Variants in SEC24A observed in about 807,000 individuals in gnomAD.
The protein encoded by SEC24A is protein transport protein Sec24A.
SEC24A carries 93 observed loss-of-function variants against 129.4 expected under a neutral mutation model. That is an observed-to-expected ratio of 0.72 (90% CI 0.61 to 0.85). SEC24A has a LOEUF of 0.85. Ranked by LOEUF, SEC24A falls within the 40% of genes least tolerant of loss-of-function variation. The pLI is 0.00. For missense variants in SEC24A, 1,264 were observed against 1,307.4 expected (o/e 0.97, Z 0.51); for synonymous variants, 460 against 467.3 (o/e 0.98, Z 0.20).
chr5:134,727,859 A>G lies in SEC24A; in HGVS notation c.*2765A>G, dbSNP rs1455909245. On this transcript the variant is annotated 3_prime_UTR_variant, in exon 23 of 23. Transcript: ENST00000398844. ...ACCCATGCAGACCATTGTTTGATCTATGCTAACTTATCAACTTGGCTATTC... is the reference window on the plus strand; with the variant it reads ...ACCCATGCAGACCATTGTTTGATCTGTGCTAACTTATCAACTTGGCTATTC... 1 of 152,460 alleles carries G rather than the reference A, an allele frequency of 6.6e-6. No individual in the cohort carries two copies. Among genetic ancestry groups the G allele is most frequent in the Non-Finnish European group, 1.5e-5 (1 of 68,016 alleles). 9.4% of individuals were successfully genotyped at this position (152,460 alleles called of 1,614,324 possible). A position where few individuals can be genotyped will look rare whatever the true frequency, so the allele number is the denominator to read the frequency against.
chr5:134,708,633 A>G, intron 17 of SEC24A, 80 bp from the exon 18 acceptor site: 1 of 1,288,546 alleles, frequency 7.8e-7, no homozygotes, highest in Middle Eastern at 1.9e-4. Context: ...GTTTTTAAAA[A>G]TTATCTCTTC....
At chr5:134,653,937 T>C (rs1404163446) in intron 1 of SEC24A, among the ~76,000 whole-genome samples, 1 of 151,982 alleles carries the variant, frequency 6.6e-6, no homozygotes, top group Non-Finnish European at 1.5e-5. Flanking sequence ...GCAGGAGGGC[T>C]GCTTGAGCCT....
chr5:134,717,694 T>C (rs1752517493), intron 19 of SEC24A, among the ~76,000 whole-genome samples: 1 of 152,052 alleles, frequency 6.6e-6, no homozygotes, highest in African/African-American at 2.4e-5. Context: ...GGCGGGTGGA[T>C]CAACTGAGGT....
At chr5:134,652,661 C>T (rs1455336655) in intron 1 of SEC24A, among the ~76,000 whole-genome samples, 2 of 152,212 alleles carry the variant, frequency 1.3e-5, no homozygotes, top group Non-Finnish European at 2.9e-5. Flanking sequence ...GATCTCAGCT[C>T]ACTGCAACCT....
intron 6 of SEC24A, among the ~76,000 whole-genome samples, chr5:134,675,814 A>G (rs1751039588): frequency 6.6e-6 from 1 of 152,218 alleles, no homozygotes; most frequent in South Asian, 2.1e-4. Flanking sequence ...AAAAGAGACT[A>G]TATTTTAGTT....
chr5:134,683,348 G>GT (rs940870956), intron 9 of SEC24A, among the ~76,000 whole-genome samples: 13 of 150,820 alleles, frequency 8.6e-5, no homozygotes, highest in African/African-American at 2.2e-4. Context: ...GTTACAGTCA[G>GT]TTTTTTTTTC....
At chr5:134,670,444 G>C (rs530962140) in intron 3 of SEC24A, among the ~76,000 whole-genome samples, 1 of 152,272 alleles carries the variant, frequency 6.6e-6, no homozygotes, top group African/African-American at 2.4e-5. Flanking sequence ...AGAGGTTAAT[G>C]CTATTCACTG....
intron 13 of SEC24A, among the ~76,000 whole-genome samples, chr5:134,696,490 T>A (rs932105660): frequency 1.3e-5 from 2 of 151,922 alleles, no homozygotes; most frequent in African/African-American, 2.4e-5. Flanking sequence ...CTACAGAAAA[T>A]TTTTAAAAAA....
chr5:134,700,051 T>G (rs1348930282), intron 15 of SEC24A, among the ~76,000 whole-genome samples: 1 of 147,496 alleles, frequency 6.8e-6, no homozygotes, highest in Admixed American at 6.8e-5. Context: ...ACCTGGTGGG[T>G]TTTTTTTTTA....
At position 134,661,446 on chromosome 5, in the gene SEC24A, A is replaced by G. The variant is rs751624185; in HGVS notation, c.425A>G (p.Tyr142Cys). 1.1e-5 allele frequency: 18 copies of G among 1,614,022 alleles called. No individual in the cohort carries two copies. Among genetic ancestry groups the G allele is most frequent in the Non-Finnish European group, 1.5e-5 (18 of 1,180,036 alleles). ...LPPPLNWQYN[Y>C]PSTASQTNHC... is the part of the protein sequence containing the mutation. ...CCACCTTTGAATTGGCAATATAACT[A>G]TCCATCCACAGCCTCACAAACAAAC... The change falls in exon 2 of 23, where the codon TAT becomes TGT. Residue 142 changes from tyrosine to cysteine, a missense_variant. Transcript: ENST00000398844.
intron 3 of SEC24A, among the ~76,000 whole-genome samples, chr5:134,668,055 A>G (rs55782327): frequency 0.025 from 3,730 of 152,018 alleles, 61 homozygotes; most frequent in Non-Finnish European, 0.04. Flanking sequence ...CTCTACTAAA[A>G]ATACAAAAAT....
At chr5:134,649,252 T>G in intron 1 of SEC24A, 79 bp downstream of exon 1, 2 of 1,072,430 alleles carry the variant, frequency 1.9e-6, no homozygotes, top group African/African-American at 1.6e-5. Flanking sequence ...TGAGGCGACA[T>G]AGATAGAGAG....
intron 6 of SEC24A, 41 bp downstream of exon 6, chr5:134,675,258 T>G: frequency 6.6e-7 from 1 of 1,514,656 alleles, no homozygotes; most frequent in Non-Finnish European, 9.0e-7. Flanking sequence ...CCGAAAAGTT[T>G]TCTAGCTTTT....
intron 2 of SEC24A, among the ~76,000 whole-genome samples, chr5:134,664,023 A>C (rs918339958): frequency 2.0e-5 from 3 of 152,160 alleles, no homozygotes; most frequent in African/African-American, 7.2e-5. Flanking sequence ...AGGCAGGAGA[A>C]GCGCTTGAAG....
chr5:134,713,757 G>A (rs1002630823), intron 18 of SEC24A, among the ~76,000 whole-genome samples: 9 of 151,646 alleles, frequency 5.9e-5, no homozygotes, highest in Admixed American at 2.6e-4. Flanking sequence ...CTGGCTGGGT[G>A]CGGTGGCTCA....
chr5:134,686,829 G>C lies in SEC24A; in HGVS notation c.1531G>C (p.Asp511His), dbSNP rs1441137156. 1.9e-6 allele frequency: 3 copies of C among 1,609,618 alleles called. No homozygotes were observed. Among genetic ancestry groups the C allele is most frequent in the Non-Finnish European group, 2.5e-6 (3 of 1,178,100 alleles). ...PQPPVYLFVF[D>H]VSHNAVETGY... ...GCCTCCAGTGTATCTCTTTGTATTTGATGTGTCTCACAATGCAGTCGAAAC... is the reference window on the plus strand; with the variant it reads ...GCCTCCAGTGTATCTCTTTGTATTTCATGTGTCTCACAATGCAGTCGAAAC... The change falls in exon 10 of 23, where the codon GAT becomes CAT. Residue 511 changes from aspartate to histidine, a missense_variant. By Grantham distance (81) the Asp-to-His change is moderately conservative (BLOSUM62 -1). Transcript: ENST00000398844.
chr5:134,684,245 G>A (rs1310719740), intron 9 of SEC24A, among the ~76,000 whole-genome samples: 1 of 150,774 alleles, frequency 6.6e-6, no homozygotes, highest in Non-Finnish European at 1.5e-5. Context: ...AGAGGTTGCA[G>A]TGAGCCAAGG....
intron 21 of SEC24A, among the ~76,000 whole-genome samples, chr5:134,721,881 A>G (rs1752637831): frequency 6.6e-6 from 1 of 152,210 alleles, no homozygotes. Flanking sequence ...CAAAAAATAA[A>G]TAAATAAAAG....
chr5:134,664,521 A>G (rs1374842006), intron 2 of SEC24A, among the ~76,000 whole-genome samples: 1 of 152,152 alleles, frequency 6.6e-6, no homozygotes. Flanking sequence ...AAAGCTGTGA[A>G]AATCTCTGTA....
Sources: gnomAD v4.1 joint callset for allele counts (sites outside exome capture counted in the v4.1 genomes callset) on GRCh38, gnomAD v4.1.1 for gene constraint, MANE v1.5 for transcripts, NCBI Gene and HGNC (gene_info 2026-07-23, HGNC 2026-07-21) for gene names.